Variants in ITGAV observed in about 807,000 individuals in gnomAD.
ITGAV encodes the protein integrin subunit alpha V, also known as integrin alpha-V.
In ITGAV, 76 loss-of-function variants were observed where a neutral mutation model predicts 143.8. That is an observed-to-expected ratio of 0.53 (90% CI 0.44 to 0.64). The LOEUF (loss-of-function observed/expected upper bound fraction) is 0.64. Ranked by LOEUF, ITGAV falls within the 30% of genes least tolerant of loss-of-function variation. The probability of loss-of-function intolerance (pLI) is 0.00; values close to 1 mark genes in which losing one functional copy is unlikely to be tolerated. For synonymous variants in ITGAV, 453 were observed against 446.7 expected, an observed-to-expected ratio of 1.01 and a Z score of -0.18; for missense variants, 1,193 against 1,274.7, an observed-to-expected ratio of 0.94 and a Z score of 0.98.
chr2:186,674,763 C>A (rs1252907014), intron 26 of ITGAV, among the ~76,000 whole-genome samples: 3 of 152,104 alleles, frequency 2.0e-5, no homozygotes, highest in African/African-American at 7.2e-5. Context: ...ACGCCTGCCT[C>A]AGCCTCCCAA....
At chr2:186,673,129 T>C (rs1689111981) in intron 26 of ITGAV, among the ~76,000 whole-genome samples, 2 of 152,218 alleles carry the variant, frequency 1.3e-5, no homozygotes, top group South Asian at 4.1e-4. Context: ...ATTGATTCTT[T>C]TGTGTGTGGC....
chr2:186,593,049 G>A (rs2105642844), intron 1 of ITGAV, among the ~76,000 whole-genome samples: 1 of 152,142 alleles, frequency 6.6e-6, no homozygotes, highest in African/African-American at 2.4e-5. Flanking sequence ...TGGATTTATT[G>A]TTATTTGGTA....
intron 18 of ITGAV, among the ~76,000 whole-genome samples, chr2:186,663,271 C>G (rs560441657): frequency 6.6e-6 from 1 of 152,244 alleles, no homozygotes; most frequent in South Asian, 2.1e-4. Flanking sequence ...GTCTCTCTGC[C>G]TGTCTGAATT....
chr2:186,674,476 G>A (rs1413436656), intron 26 of ITGAV, among the ~76,000 whole-genome samples: 1 of 151,742 alleles, frequency 6.6e-6, no homozygotes, highest in African/African-American at 2.4e-5. Flanking sequence ...CAAAGAGATA[G>A]CTTTACTTTA....
intron 5 of ITGAV, 25 bp from the exon 6 acceptor site, chr2:186,633,304 C>G (rs201615664): frequency 6.6e-7 from 1 of 1,506,914 alleles, no homozygotes; most frequent in Non-Finnish European, 9.1e-7. Flanking sequence ...AAATATATAT[C>G]TTTTTGTTGT....
intron 10 of ITGAV, among the ~76,000 whole-genome samples, 166 bp downstream of exon 10, chr2:186,638,631 C>CGCGTGT (rs1553502372): frequency 6.9e-6 from 1 of 144,694 alleles, no homozygotes; most frequent in Non-Finnish European, 1.5e-5. Context: ...CTCTTTTGAG[C>CGCGTGT]GTGTGTGTGT....
At chr2:186,592,264 C>T (rs1559034732) in intron 1 of ITGAV, among the ~76,000 whole-genome samples, 4 of 152,074 alleles carry the variant, frequency 2.6e-5, no homozygotes, top group African/African-American at 9.7e-5. Flanking sequence ...ATGGTGAAAC[C>T]CTGTCACTAC....
intron 2 of ITGAV, among the ~76,000 whole-genome samples, chr2:186,621,507 C>G (rs141236710): frequency 7.1e-4 from 108 of 152,184 alleles, no homozygotes; most frequent in African/African-American, 2.5e-3. Context: ...ACATTTATCC[C>G]AATAAAGTCC....
chr2:186,608,517 G>A (rs946926245), intron 2 of ITGAV, among the ~76,000 whole-genome samples: 1 of 152,106 alleles, frequency 6.6e-6, no homozygotes, highest in African/African-American at 2.4e-5. Flanking sequence ...TTGTAAAATG[G>A]TCCTTTCCTC....
chr2:186,615,914 G>A (rs1687342648), intron 2 of ITGAV, among the ~76,000 whole-genome samples: 1 of 151,956 alleles, frequency 6.6e-6, no homozygotes, highest in Admixed American at 6.6e-5. Context: ...TCTTTTAAGA[G>A]TTTTATAGTT....
At chr2:186,669,593 AT>A in intron 25 of ITGAV, 107 bp from the exon 26 acceptor site, 1 of 724,864 alleles carries the variant, frequency 1.4e-6, no homozygotes, top group Non-Finnish European at 2.3e-6. Flanking sequence ...GTCATACTAA[AT>A]TTTCATTCAC....
At chr2:186,602,732 C>G (rs377354276) in intron 2 of ITGAV, among the ~76,000 whole-genome samples, 4 of 152,206 alleles carry the variant, frequency 2.6e-5, no homozygotes, top group South Asian at 4.2e-4. Context: ...CAAAAATTTG[C>G]TGGGTGTGGT....
At chr2:186,643,910 C>T (rs1688177722) in intron 12 of ITGAV, among the ~76,000 whole-genome samples, 1 of 152,136 alleles carries the variant, frequency 6.6e-6, no homozygotes, top group Non-Finnish European at 1.5e-5. Flanking sequence ...ACGTTGGAGC[C>T]ATCTTTTGTT....
rs189827862 is a variant in ITGAV, at chr2:186,632,273, A to G, written c.586-1056A>G. Among the ~76,000 whole-genome samples, 11 of 152,230 alleles carry G rather than the reference A, an allele frequency of 7.2e-5. No individual in the cohort carries two copies. The East Asian group carries it at 2.1e-3, about 29-fold the overall frequency. Reference sequence around the variant, plus strand: ...GTATTATATATTTTTAAAATATATAATGTCCATCTTTTCTGTATTGATGCC... The same window carrying G: ...GTATTATATATTTTTAAAATATATAGTGTCCATCTTTTCTGTATTGATGCC... On this transcript the variant is annotated intron_variant, in intron 5 of 29. Transcript: ENST00000261023.
chr2:186,602,849 C>A (rs2105656610), intron 2 of ITGAV, among the ~76,000 whole-genome samples: 1 of 146,262 alleles, frequency 6.8e-6, no homozygotes, highest in Non-Finnish European at 1.5e-5. Context: ...TGCACTCTAG[C>A]CTGGGTGACA....
chr2:186,638,966 A>G (rs13387331), intron 10 of ITGAV, among the ~76,000 whole-genome samples: 173 of 146,396 alleles, frequency 1.2e-3, no homozygotes, highest in African/African-American at 4.4e-3. Flanking sequence ...CTTTTTCTTT[A>G]CTGAAAAGAA....
intron 2 of ITGAV, among the ~76,000 whole-genome samples, chr2:186,603,516 A>G (rs759643499): frequency 6.6e-4 from 101 of 152,068 alleles, no homozygotes; most frequent in Non-Finnish European, 1.2e-3. Context: ...TTTTCCATAT[A>G]TGGCTAATAC....
At chr2:186,653,031 C>T (rs1380173139) in intron 15 of ITGAV, among the ~76,000 whole-genome samples, 4 of 150,256 alleles carry the variant, frequency 2.7e-5, no homozygotes, top group Admixed American at 1.3e-4. Context: ...CTGCAAGCTC[C>T]GCTTCCCGGG....
intron 4 of ITGAV, among the ~76,000 whole-genome samples, chr2:186,630,521 G>A (rs1470322828): frequency 6.6e-6 from 1 of 151,740 alleles, no homozygotes; most frequent in East Asian, 1.9e-4. Flanking sequence ...GTGGATTGTG[G>A]TTAACTAAAG....
Sources: allele counts gnomAD v4.1 joint callset (sites outside exome capture counted in the v4.1 genomes callset), GRCh38; gene constraint gnomAD v4.1.1; transcripts MANE v1.5; gene names NCBI Gene and HGNC (gene_info 2026-07-23, HGNC 2026-07-21).